The following BBX variants were observed in gnomAD, a reference collection of about 807,000 sequenced individuals.
BBX encodes HMG box transcription factor BBX.
In BBX, 30 loss-of-function variants were observed where a neutral mutation model predicts 100.2. The ratio of observed to expected loss-of-function variants is 0.30; its 90% confidence interval spans 0.22 to 0.41. The LOEUF is 0.41. Among genes scored for constraint, BBX ranks in the 10% least tolerant of loss-of-function variants. The pLI, the probability that BBX is intolerant of heterozygous loss-of-function variation, is 1.00. For synonymous variants in BBX, 376 were observed against 388.1 expected (o/e 0.97, Z 0.37); for missense variants, 1,023 against 1,129.8 (o/e 0.91, Z 1.35).
At chr3:107,673,365 T>C (rs1371263502) in intron 3 of BBX, among the ~76,000 whole-genome samples, 1 of 152,104 alleles carries the variant, frequency 6.6e-6, no homozygotes, top group Non-Finnish European at 1.5e-5. Context: ...TTTCCTATTA[T>C]GTTGATAAAG....
chr3:107,587,125 G>T (rs1274090951), intron 2 of BBX, among the ~76,000 whole-genome samples: 1 of 151,930 alleles, frequency 6.6e-6, no homozygotes, highest in Non-Finnish European at 1.5e-5. Flanking sequence ...CATTTCTTAT[G>T]AATGTTTTTT....
intron 1 of BBX, among the ~76,000 whole-genome samples, chr3:107,525,148 G>A (rs1471692639): frequency 1.1e-4 from 17 of 148,574 alleles, no homozygotes; most frequent in East Asian, 4.0e-4. Context: ...GGGCGCCGGG[G>A]GTCCCCGGCG....
At chr3:107,792,690 C>T (rs2069184844) in intron 15 of BBX, among the ~76,000 whole-genome samples, 2 of 152,150 alleles carry the variant, frequency 1.3e-5, no homozygotes, top group African/African-American at 2.4e-5. Flanking sequence ...CTGTTCACAG[C>T]ATTAAATCCT....
At chr3:107,713,004 AT>A (rs1476261737) in intron 4 of BBX, among the ~76,000 whole-genome samples, 3 of 152,236 alleles carry the variant, frequency 2.0e-5, no homozygotes, top group Non-Finnish European at 2.9e-5. Context: ...AGACATAGGT[AT>A]CCACACAGCA....
In BBX at chr3:107,805,419, C is replaced by G; in HGVS notation, c.2788C>G (p.Pro930Ala). The G allele has an allele frequency of 6.2e-7, 1 of 1,614,094 alleles. No individual in the cohort carries two copies. The highest frequency in any genetic ancestry group is 8.5e-7 in the Non-Finnish European group (1 of 1,179,974). ...CCATGATGGACAGCCAAAAGAAATG[C>G]CGCAGGCTCCTGTACTTATTTCCTG... ...LTHDGQPKEM[P>A]QAPVLISCAD... Residue 930 changes from proline to alanine, a missense_variant, in exon 18 of 18, where the codon CCG (proline) becomes GCG (alanine). By Grantham distance (27) the Pro-to-Ala change is conservative. This residue lies in a region of BBX where 104 missense variants were observed against 132.2 expected (regional missense o/e 0.79). Transcript: ENST00000325805.
chr3:107,649,975 A>G (rs1393249862), intron 3 of BBX, among the ~76,000 whole-genome samples: 1 of 152,224 alleles, frequency 6.6e-6, no homozygotes, highest in Non-Finnish European at 1.5e-5. Context: ...ATCAAATTTT[A>G]TATAATCTTT....
intron 2 of BBX, among the ~76,000 whole-genome samples, chr3:107,533,945 A>C (rs2048327425): frequency 6.6e-6 from 1 of 152,188 alleles, no homozygotes; most frequent in Non-Finnish European, 1.5e-5. Flanking sequence ...CTTTATTTTC[A>C]ATAATTAATT....
At chr3:107,775,513 T>C (rs576174054) in intron 12 of BBX, among the ~76,000 whole-genome samples, 5 of 152,310 alleles carry the variant, frequency 3.3e-5, no homozygotes, top group African/African-American at 1.2e-4. Flanking sequence ...TCCAATACTT[T>C]ATACTGGTGA....
chr3:107,610,780 C>A (rs1050311332), intron 2 of BBX, among the ~76,000 whole-genome samples: 3 of 150,576 alleles, frequency 2.0e-5, no homozygotes, highest in Non-Finnish European at 4.4e-5. Flanking sequence ...GGCAACAGAT[C>A]ATTGGGTGTT....
chr3:107,566,461 TTCTATAACCTC>T (rs1257156960), intron 2 of BBX, among the ~76,000 whole-genome samples: 1 of 152,044 alleles, frequency 6.6e-6, no homozygotes, highest in Non-Finnish European at 1.5e-5. Flanking sequence ...TAAAATAATT[TTCTATAACCTC>T]TCTGTGCTGT....
chr3:107,798,268 C>T (rs904130045), intron 15 of BBX, among the ~76,000 whole-genome samples: 6 of 152,170 alleles, frequency 3.9e-5, no homozygotes, highest in Non-Finnish European at 8.8e-5. Context: ...CAACGTGCAA[C>T]ACCCAGAGAC....
intron 2 of BBX, among the ~76,000 whole-genome samples, chr3:107,586,194 TA>T (rs1214684050): frequency 6.6e-6 from 1 of 152,206 alleles, no homozygotes; most frequent in Admixed American, 6.5e-5. Context: ...CTAAAGAGGT[TA>T]TTTATATATT....
chr3:107,568,756 G>A (rs182122043), intron 2 of BBX, among the ~76,000 whole-genome samples: 2 of 152,068 alleles, frequency 1.3e-5, no homozygotes, highest in South Asian at 2.1e-4. Flanking sequence ...TTTCTTCAAC[G>A]ATATTCTTTC....
chr3:107,760,962 A>G (rs1032156351), intron 10 of BBX, among the ~76,000 whole-genome samples: 4 of 152,194 alleles, frequency 2.6e-5, no homozygotes, highest in African/African-American at 7.2e-5. Context: ...CATGAGAACA[A>G]TTGCTCAGAG....
At chr3:107,718,076 AAAAAAAT>A (rs1560032840) in intron 5 of BBX, among the ~76,000 whole-genome samples, 2 of 151,586 alleles carry the variant, frequency 1.3e-5, no homozygotes, top group African/African-American at 4.8e-5. Flanking sequence ...ATAAAAATTT[AAAAAAAT>A]ACCACGTAAA....
intron 4 of BBX, among the ~76,000 whole-genome samples, chr3:107,714,459 T>C (rs1243874478): frequency 6.6e-6 from 1 of 152,194 alleles, no homozygotes; most frequent in African/African-American, 2.4e-5. Flanking sequence ...CTGTTACACG[T>C]TGAATTTTAT....
At chr3:107,576,376 T>C (rs2051772252) in intron 2 of BBX, among the ~76,000 whole-genome samples, 1 of 152,374 alleles carries the variant, frequency 6.6e-6, no homozygotes, top group Non-Finnish European at 1.5e-5. Flanking sequence ...ACTACTTATA[T>C]TTTGTTGAAT....
chr3:107,562,814 T>G (rs1421575264), intron 2 of BBX, among the ~76,000 whole-genome samples: 2 of 152,292 alleles, frequency 1.3e-5, no homozygotes, highest in Non-Finnish European at 2.9e-5. Context: ...AGAAATGAAT[T>G]AACGTGCTTC....
intron 16 of BBX, among the ~76,000 whole-genome samples, chr3:107,799,282 T>C (rs1020456510): frequency 1.3e-5 from 2 of 152,190 alleles, no homozygotes; most frequent in African/African-American, 4.8e-5. Context: ...TGGACAAGCT[T>C]GCTTTAGACA....
Sources: allele counts gnomAD v4.1 joint callset (sites outside exome capture counted in the v4.1 genomes callset), GRCh38; gene constraint gnomAD v4.1.1; regional missense constraint gnomAD v4.1.1; transcripts MANE v1.5; gene names NCBI Gene and HGNC (gene_info 2026-07-23, HGNC 2026-07-21).